The following NR1H4 variants were observed in gnomAD, a reference collection of about 807,000 sequenced individuals.
NR1H4 encodes the protein nuclear receptor subfamily 1 group H member 4, also known as bile acid receptor.
NR1H4 carries 23 observed loss-of-function variants against 58.5 expected under a neutral mutation model. The ratio of observed to expected loss-of-function variants is 0.39; its 90% CI spans 0.28 to 0.56. The LOEUF (loss-of-function observed/expected upper bound fraction) is 0.56, where lower values mean the gene tolerates loss of function less well. Among genes scored for constraint, NR1H4 ranks in the 20% least tolerant of loss-of-function variants. The probability of loss-of-function intolerance (pLI) is 0.58; values close to 1 mark genes in which losing one functional copy is unlikely to be tolerated. For synonymous variants in NR1H4, 214 were observed against 198.0 expected (o/e 1.08, Z -0.68); for missense variants, 487 against 576.9 (o/e 0.84, Z 1.60).
intron 8 of NR1H4, among the ~76,000 whole-genome samples, chr12:100,539,270 T>C (rs890648018): frequency 1.3e-5 from 2 of 152,128 alleles, no homozygotes; most frequent in Non-Finnish European, 2.9e-5. Context: ...TTGACAATAA[T>C]GACAGAGATA....
chr12:100,506,038 CACACAGAGAGAG>C (rs1215468014), intron 3 of NR1H4, among the ~76,000 whole-genome samples: 2 of 132,166 alleles, frequency 1.5e-5, no homozygotes, highest in African/African-American at 6.8e-5. Context: ...CACACACACA[CACACAGAGAGAG>C]AGAGAGAACA....
intron 1 of NR1H4, among the ~76,000 whole-genome samples, chr12:100,478,245 T>G (rs1731070954): frequency 1.3e-5 from 2 of 152,184 alleles, no homozygotes; most frequent in Admixed American, 1.3e-4. Context: ...AATTTTATAG[T>G]GAACATAAAA....
At chr12:100,522,171 AATG>A (rs1165988996) in intron 4 of NR1H4, among the ~76,000 whole-genome samples, 1 of 151,080 alleles carries the variant, frequency 6.6e-6, no homozygotes, top group Middle Eastern at 3.2e-3. Flanking sequence ...TGGTGGTGAT[AATG>A]ATGATGATGG....
chr12:100,555,799 A>G (rs2136304797), intron 9 of NR1H4, among the ~76,000 whole-genome samples: 1 of 152,364 alleles, frequency 6.6e-6, no homozygotes, highest in Middle Eastern at 3.4e-3. Context: ...TTTCAAACTC[A>G]GAGCTAGCTT....
chr12:100,548,236 A>T (rs984757371), intron 9 of NR1H4, among the ~76,000 whole-genome samples: 1 of 151,084 alleles, frequency 6.6e-6, no homozygotes, highest in Non-Finnish European at 1.5e-5. Context: ...GCATGGTGGC[A>T]CGCACCTGTA....
intron 3 of NR1H4, chr12:100,500,034 A>G: frequency 2.3e-6 from 1 of 441,846 alleles, no homozygotes; most frequent in South Asian, 1.6e-5. Flanking sequence ...GGTAGGTACC[A>G]TTACTGTTCC....
chr12:100,545,493 T>C (rs890926970), intron 9 of NR1H4, among the ~76,000 whole-genome samples: 1 of 151,228 alleles, frequency 6.6e-6, no homozygotes, highest in Non-Finnish European at 1.5e-5. Flanking sequence ...GTTAAAAAAA[T>C]TAGCTGGGCA....
chr12:100,529,588 G>A (rs1445855365), intron 4 of NR1H4, among the ~76,000 whole-genome samples: 1 of 152,032 alleles, frequency 6.6e-6, no homozygotes, highest in African/African-American at 2.4e-5. Flanking sequence ...CACCAAGATG[G>A]AGTATCTACC....
intron 8 of NR1H4, among the ~76,000 whole-genome samples, chr12:100,538,201 G>C (rs899810267): frequency 3.3e-5 from 5 of 152,276 alleles, no homozygotes; most frequent in Non-Finnish European, 5.9e-5. Context: ...ACAGTAAAGA[G>C]ATTTCGGTGG....
intron 4 of NR1H4, among the ~76,000 whole-genome samples, chr12:100,523,510 G>C (rs949965714): frequency 6.6e-6 from 1 of 152,098 alleles, no homozygotes; most frequent in African/African-American, 2.4e-5. Context: ...TGGGTTGTCT[G>C]TTCACTCTGA....
chr12:100,511,565 A>G (rs975756531), intron 4 of NR1H4, among the ~76,000 whole-genome samples: 3 of 152,216 alleles, frequency 2.0e-5, no homozygotes, highest in Non-Finnish European at 2.9e-5. Flanking sequence ...AATATTTTTC[A>G]TGTACTTTAG....
chr12:100,485,348 G>A (rs1953468980), intron 1 of NR1H4, among the ~76,000 whole-genome samples: 1 of 152,088 alleles, frequency 6.6e-6, no homozygotes, highest in Non-Finnish European at 1.5e-5. Flanking sequence ...TGGCAGGCTG[G>A]GTTGGGTCTG....
At chr12:100,495,844 T>C (rs900233877) in intron 3 of NR1H4, among the ~76,000 whole-genome samples, 2 of 152,166 alleles carry the variant, frequency 1.3e-5, no homozygotes, top group African/African-American at 2.4e-5. Flanking sequence ...CATGATGACA[T>C]TGATGGCTTC....
Position 100,548,665 on chromosome 12 carries a change from C to T in NR1H4, c.1078+7847C>T, listed in dbSNP as rs185913215. Among the ~76,000 whole-genome samples the T allele has an allele frequency of 3.9e-5, 6 of 152,094 alleles. No homozygotes were observed. In the East Asian group the frequency reaches 7.7e-4, roughly 20 times the overall value. On this transcript the variant is annotated intron_variant, in intron 9 of 10. Coordinates refer to ENST00000392986, the MANE Select transcript of NR1H4 (RefSeq NM_001206979.2). ...TGTTTATTTGTTTACTTTTTTTTAA[C>T]AAGCTTTTATTGAGTACTTCTATGG...
intron 9 of NR1H4, among the ~76,000 whole-genome samples, chr12:100,557,133 T>TATAA (rs969220165): frequency 6.6e-6 from 1 of 152,212 alleles, no homozygotes; most frequent in Non-Finnish European, 1.5e-5. Flanking sequence ...CTGGGTAATT[T>TATAA]ATAAAGGAAA....
At chr12:100,551,385 GT>G (rs139136616) in intron 9 of NR1H4, among the ~76,000 whole-genome samples, 3,521 of 152,278 alleles carry the variant, frequency 0.023, 148 homozygotes, top group African/African-American at 0.081. Context: ...CCAGAACTAT[GT>G]TTTCCAAAGA....
intron 6 of NR1H4, 129 bp from the exon 7 acceptor site, chr12:100,536,383 G>A: frequency 1.5e-6 from 1 of 650,424 alleles, no homozygotes; most frequent in Admixed American, 2.7e-5. Flanking sequence ...AGAACTCATA[G>A]TTCCTGCTGT....
Position 100,474,954 on chromosome 12 carries a change from T to C in NR1H4, c.-190+895T>C, listed in dbSNP as rs73378046. 3.7e-3 allele frequency among the ~76,000 whole-genome samples: 563 copies of C among 152,236 alleles called. 7 individuals carry two copies. The highest frequency in any genetic ancestry group is 0.013 in the African/African-American group (538 of 41,532). On this transcript the variant is annotated intron_variant, in intron 1 of 10. Coordinates refer to ENST00000392986, the MANE Select transcript of NR1H4 (RefSeq NM_001206979.2). Reference sequence around the variant, plus strand: ...GGGTAGGAACCCTTAGAAATAATATTAGTGATAAATAAGAAGGCAGGAAGA... The same window carrying C: ...GGGTAGGAACCCTTAGAAATAATATCAGTGATAAATAAGAAGGCAGGAAGA...
chr12:100,487,702 C>T (rs1282211415), intron 1 of NR1H4, among the ~76,000 whole-genome samples: 3 of 150,258 alleles, frequency 2.0e-5, no homozygotes, highest in East Asian at 3.9e-4. Context: ...ACCTCTGCCT[C>T]CCAGGTTCAA....
Sources: allele counts gnomAD v4.1 joint callset (sites outside exome capture counted in the v4.1 genomes callset), GRCh38; gene constraint gnomAD v4.1.1; transcripts MANE v1.5; gene names NCBI Gene and HGNC (gene_info 2026-07-23, HGNC 2026-07-21).